Variants in G6PC3 observed in about 807,000 individuals in gnomAD.
The protein encoded by G6PC3 is glucose-6-phosphatase catalytic subunit 3, also known as glucose-6-phosphatase 3.
A neutral mutation model predicts 38.6 loss-of-function variants in G6PC3; 30 were observed. The ratio of observed to expected loss-of-function variants is 0.78; its 90% CI spans 0.58 to 1.05. The LOEUF is 1.05. Ranked by LOEUF, G6PC3 falls within the 50% of genes least tolerant of loss-of-function variation. The probability of loss-of-function intolerance (pLI) is 0.00; values close to 1 mark genes in which losing one functional copy is unlikely to be tolerated. For missense variants in G6PC3, 377 were observed against 443.1 expected (o/e 0.85, Z 1.34); for synonymous variants, 192 against 178.1 (o/e 1.08, Z -0.62).
intron 5 of G6PC3, 79 bp downstream of exon 5, chr17:44,075,530 A>G (rs2050079335): frequency 1.2e-6 from 2 of 1,604,946 alleles, no homozygotes; most frequent in East Asian, 2.2e-5. Flanking sequence ...TCTCTGGTTC[A>G]TTATAGCTAA....
rs1489257573 is a variant in G6PC3 at position 44,071,850 on chromosome 17, G to A, written c.218+667G>A. 4 of 425,626 alleles carry A rather than the reference G, an allele frequency of 9.4e-6. No homozygotes were observed. The Admixed American group carries it at 1.0e-4, about 11-fold the overall frequency. 26.4% of individuals were successfully genotyped at this position (425,626 alleles called of 1,614,324 possible). On this transcript the variant is annotated intron_variant, in intron 1 of 5. Transcript: ENST00000269097. ...CGTATGCAGTAAAGTTTGGGCTAAA[G>A]CACTGCTTTCCAGGGAACACTTTCT... is the stretch of plus-strand genomic sequence containing the variant.
rs1027480529 is a variant in G6PC3, at chr17:44,072,106, C to T, written c.218+923C>T. On this transcript the variant is annotated intron_variant, in intron 1 of 5. Coordinates refer to ENST00000269097, the MANE Select transcript of G6PC3 (RefSeq NM_138387.4). ...CTGAAAAACAACATAGAGTTCCCCTCCCTTCCACTCTTTTCCACGAGGGCC... is the reference window on the plus strand; with the variant it reads ...CTGAAAAACAACATAGAGTTCCCCTTCCTTCCACTCTTTTCCACGAGGGCC... 1.9e-5 allele frequency: 4 copies of T among 210,394 alleles called. No homozygotes were observed. In the South Asian group the frequency reaches 2.6e-4, roughly 14 times the overall value. 13.0% of individuals were successfully genotyped at this position (210,394 alleles called of 1,614,324 possible).
Position 44,070,807 on chromosome 17 carries a change from G to C in G6PC3, c.-159G>C. ...TGGAGGCCGGTCTTGCAGGAGCGGG[G>C]GACTGCTGGGGGCGGGGCTTGGTGG... On this transcript the variant is annotated 5_prime_UTR_variant, in exon 1 of 6. Transcript: ENST00000269097. The C allele has an allele frequency of 1.3e-6, 1 of 769,606 alleles. No homozygotes were observed. 47.7% of individuals were successfully genotyped at this position (769,606 alleles called of 1,614,324 possible). A position where few individuals can be genotyped will look rare whatever the true frequency, so the allele number is the denominator to read the frequency against.
At chr17:44,070,722 C>T (rs2049957659), upstream of G6PC3, 1 of 571,884 alleles carries the variant, frequency 1.7e-6, no homozygotes, top group Non-Finnish European at 3.1e-6. Flanking sequence ...AAGGTTTGTC[C>T]CCTGCGCTGC....
At chr17:44,071,549 G>A (rs1210980041) in intron 1 of G6PC3, 1 of 692,746 alleles carries the variant, frequency 1.4e-6, no homozygotes, top group Non-Finnish European at 2.1e-6. Context: ...AACAAATATG[G>A]TGATTTAAGT....
chr17:44,071,094 C>G lies in G6PC3; in HGVS notation c.129C>G (p.Phe43Leu). 1.2e-6 allele frequency: 2 copies of G among 1,613,806 alleles called. No homozygotes were observed. The highest frequency in any genetic ancestry group is 1.7e-6 in the Non-Finnish European group (2 of 1,179,910). ...CCAAGATCCTCTTTCTGTTCTACTT[C>G]CCCGCGGCCTACTACGCCTCCCGCC... ...GDPKILFLFYFPAAYYASRRV... is the reference protein window; with the variant it reads ...GDPKILFLFYLPAAYYASRRV... The change falls in exon 1 of 6, where the codon TTC becomes TTG. Residue 43 changes from phenylalanine (F) to leucine (L), a missense_variant. Coordinates refer to ENST00000269097, the MANE Select transcript of G6PC3 (RefSeq NM_138387.4).
chr17:44,071,307 AT>A, intron 1 of G6PC3, 124 bp downstream of exon 1: 3 of 1,486,022 alleles, frequency 2.0e-6, no homozygotes, highest in Non-Finnish European at 9.0e-7. Context: ...GTAGTCCCTG[AT>A]TTTTTTTCCC....
rs1406845751 is a variant in G6PC3 at position 44,075,081 on chromosome 17, A to G, written c.529A>G (p.Ile177Val). The G allele has an allele frequency of 2.5e-6, 4 of 1,612,784 alleles. No individual in the cohort carries two copies. Among genetic ancestry groups the G allele is most frequent in the African/African-American group, 2.7e-5 (2 of 74,888 alleles). The change falls in exon 4 of 6, where the codon ATA becomes GTA. Residue 177 changes from isoleucine (I) to valine (V), a missense_variant. Transcript: ENST00000269097. Reference protein sequence around the residue: ...HFPHQVLAGLITGAVLGWLMT... With the variant: ...HFPHQVLAGLVTGAVLGWLMT... ...CCCTCACCAGGTGCTGGCTGGCCTAATAACTGGTGAGCAACTGGGGCAACG... is the reference window on the plus strand; with the variant it reads ...CCCTCACCAGGTGCTGGCTGGCCTAGTAACTGGTGAGCAACTGGGGCAACG...
Position 44,074,601 on chromosome 17 carries a change from C to G in G6PC3, c.326-79C>G, listed in dbSNP as rs535881678. 1.3e-5 allele frequency: 15 copies of G among 1,157,142 alleles called. No homozygotes were observed. In the South Asian group the frequency reaches 1.9e-4, roughly 14 times the overall value. 71.7% of individuals were successfully genotyped at this position (1,157,142 alleles called of 1,614,324 possible). A position where few individuals can be genotyped will look rare whatever the true frequency, so the allele number is the denominator to read the frequency against. On this transcript the variant is annotated intron_variant, in intron 2 of 5. Transcript: ENST00000269097. ...AGCTCTTCTCAGCCAGGAAAGGCAG[C>G]TGTATTATTGAGGCATCACCAGGGG...
chr17:44,074,766 C>T lies in G6PC3; in HGVS notation c.412C>T (p.Arg138Cys), dbSNP rs762486955. 1.1e-5 allele frequency: 17 copies of T among 1,613,568 alleles called. No homozygotes were observed. The East Asian group carries it at 1.3e-4, about 13-fold the overall frequency. ...ALSSQVATRA[R>C]SRWVRVMPSL... ...GTCTTCGCAGGTGGCCACTCGGGCC[C>T]GCAGGTATACCCTTGGCATTGCCCA... is the stretch of plus-strand genomic sequence containing the variant. Residue 138 changes from arginine to cysteine, a missense_variant, in exon 3 of 6, where the codon CGC becomes TGC. Physicochemically the swap from Arg to Cys is radical, Grantham distance 180. Coordinates refer to ENST00000269097, the MANE Select transcript of G6PC3 (RefSeq NM_138387.4).
intron 1 of G6PC3, chr17:44,071,769 C>T (rs922054676): frequency 7.4e-6 from 4 of 542,404 alleles, no homozygotes; most frequent in Non-Finnish European, 9.7e-6. Flanking sequence ...GGCCCCGGGC[C>T]AGAGCTACTG....
intron 2 of G6PC3, 41 bp downstream of exon 2, chr17:44,074,307 G>T: frequency 6.9e-7 from 1 of 1,454,716 alleles, no homozygotes; most frequent in Admixed American, 1.7e-5. Context: ...AATGTGGTTA[G>T]GGTTCGGGTG....
chr17:44,071,405 G>A, intron 1 of G6PC3: 1 of 759,812 alleles, frequency 1.3e-6, no homozygotes, highest in Non-Finnish European at 2.1e-6. Context: ...CTGGTCTGAT[G>A]GAAAAATCAC....
At chr17:44,072,576 C>T (rs141035034) in intron 1 of G6PC3, 22,662 of 150,910 alleles carry the variant, frequency 0.15, 2,952 homozygotes, top group East Asian at 0.73. Context: ...GTGATCCGCC[C>T]GCTTCAGCCT....
chr17:44,075,689 C>T lies in G6PC3; in HGVS notation c.687C>T (p.Ser229=), dbSNP rs377343204. Residue 229 remains serine, a synonymous_variant, in exon 6 of 6, where the codon AGC becomes AGT. Transcript: ENST00000269097. ...TLGLDLSWSI[S]LAFKWCERPE... Reference sequence around the variant, plus strand: ...CTCTTCTTCCCCACAGGTCCATCAGCCTAGCCTTCAAGTGGTGTGAGCGGC... The same window carrying T: ...CTCTTCTTCCCCACAGGTCCATCAGTCTAGCCTTCAAGTGGTGTGAGCGGC... 142 of 1,611,456 alleles carry T rather than the reference C, an allele frequency of 8.8e-5. No homozygotes were observed. The highest frequency in any genetic ancestry group is 5.3e-4 in the Admixed American group (32 of 60,010).
rs228758 is a variant in G6PC3 at position 44,070,837 on chromosome 17, C to G, written c.-129C>G. Reference sequence around the variant, plus strand: ...GCTGGGGGCGGGGCTTGGTGGTGACCGCTGGCGGGGCGGGGCCTGGGGCTC... The same window carrying G: ...GCTGGGGGCGGGGCTTGGTGGTGACGGCTGGCGGGGCGGGGCCTGGGGCTC... On this transcript the variant is annotated 5_prime_UTR_variant, in exon 1 of 6. Coordinates refer to ENST00000269097, the MANE Select transcript of G6PC3 (RefSeq NM_138387.4). 3.4e-5 allele frequency: 36 copies of G among 1,064,560 alleles called. No individual in the cohort carries two copies. In the Admixed American group the frequency reaches 6.2e-4, roughly 18 times the overall value. The allele number at this position is 1,064,560 out of a possible 1,614,324, so 65.9% of individuals were successfully genotyped here.
At chr17:44,071,231 C>G (rs1001863607) in intron 1 of G6PC3, 48 bp downstream of exon 1, 33 of 1,589,878 alleles carry the variant, frequency 2.1e-5, no homozygotes, top group Non-Finnish European at 2.1e-5. Context: ...CCCCGAGGGC[C>G]CTGAGTCATG....
rs768232016 is a variant in G6PC3, at chr17:44,076,126, C to T, written c.*83C>T. The T allele has an allele frequency of 3.2e-6, 5 of 1,568,940 alleles. No homozygotes were observed. The highest frequency in any genetic ancestry group is 4.3e-6 in the Non-Finnish European group (5 of 1,151,330). ...ACACTCCAGGAGGCAGCCCCATCCCCTTCCAGCCCCTAAGTAGGCCCTCCC... is the reference window on the plus strand; with the variant it reads ...ACACTCCAGGAGGCAGCCCCATCCCTTTCCAGCCCCTAAGTAGGCCCTCCC... On this transcript the variant is annotated 3_prime_UTR_variant, in exon 6 of 6. Coordinates refer to ENST00000269097, the MANE Select transcript of G6PC3 (RefSeq NM_138387.4).
rs2050042877 is a variant in G6PC3 at position 44,074,676 on chromosome 17, G to A, written c.326-4G>A. On this transcript the variant is annotated splice_region_variant and splice_polypyrimidine_tract_variant and intron_variant, in intron 2 of 5. Coordinates refer to ENST00000269097, the MANE Select transcript of G6PC3 (RefSeq NM_138387.4). ...TCACCACGAGCTTCTGGATTTGCTG[G>A]CAGGCAGCCCTTCTGGACACTGCAT... 1 of 1,614,136 alleles carries A rather than the reference G, an allele frequency of 6.2e-7. No homozygotes were observed. Among genetic ancestry groups the A allele is most frequent in the Non-Finnish European group, 8.5e-7 (1 of 1,179,986 alleles).
Sources: allele counts gnomAD v4.1 joint callset, GRCh38; gene constraint gnomAD v4.1.1; transcripts MANE v1.5; gene names NCBI Gene and HGNC (gene_info 2026-07-23, HGNC 2026-07-21).